Variants in ATP8A2 observed in about 807,000 individuals in gnomAD.
The protein encoded by ATP8A2 is ATPase phospholipid transporting 8A2, also known as phospholipid-transporting ATPase IB.
Under a neutral mutation model 165.6 loss-of-function variants are expected in ATP8A2, and 100 were observed. That is an observed-to-expected ratio of 0.60 (90% confidence interval 0.51 to 0.71). The LOEUF is 0.71. ATP8A2 is among the 30% of genes least tolerant of loss of function. The pLI, the probability that ATP8A2 is intolerant of heterozygous loss-of-function variation, is 0.00. For synonymous variants in ATP8A2, 543 were observed against 548.8 expected (o/e 0.99, Z 0.15); for missense variants, 1,227 against 1,479.5 (o/e 0.83, Z 2.80).
intron 25 of ATP8A2, among the ~76,000 whole-genome samples, chr13:25,703,491 TCAAA>T (rs1566062845): frequency 6.6e-6 from 1 of 152,074 alleles, no homozygotes; most frequent in African/African-American, 2.4e-5. Context: ...AAACAGGCAC[TCAAA>T]CAAATACTTG....
At chr13:25,774,204 A>G (rs930159063) in intron 26 of ATP8A2, among the ~76,000 whole-genome samples, 3 of 152,240 alleles carry the variant, frequency 2.0e-5, no homozygotes, top group Admixed American at 2.0e-4. Flanking sequence ...TGCAATACAC[A>G]TACACCATGG....
chr13:25,428,099 G>T lies in ATP8A2; in HGVS notation c.77-40878G>T, dbSNP rs533349484. 3.3e-5 allele frequency among the ~76,000 whole-genome samples: 5 copies of T among 152,116 alleles called. No individual in the cohort carries two copies. In the South Asian group the frequency reaches 1.0e-3, roughly 32 times the overall value. On this transcript the variant is annotated intron_variant, in intron 1 of 36. Coordinates refer to ENST00000381655, the MANE Select transcript of ATP8A2 (RefSeq NM_016529.6). ...CTCAGCAGGCTTAGGTGGAAGGATC[G>T]CTTGAACCTGGGAGGTTGAGCCTGC...
At chr13:25,564,308 G>T (rs1157476154) in intron 16 of ATP8A2, among the ~76,000 whole-genome samples, 2 of 152,174 alleles carry the variant, frequency 1.3e-5, no homozygotes, top group Non-Finnish European at 2.9e-5. Flanking sequence ...AATGGCTGTT[G>T]CTTTGTAAAA....
intron 30 of ATP8A2, among the ~76,000 whole-genome samples, chr13:25,854,832 A>G (rs1194346830): frequency 6.6e-6 from 1 of 152,220 alleles, no homozygotes; most frequent in Non-Finnish European, 1.5e-5. Context: ...TAACTCATAT[A>G]CCATCTAATT....
chr13:25,533,475 G>A (rs75686857), intron 6 of ATP8A2, among the ~76,000 whole-genome samples, 162 bp downstream of exon 6: 1,727 of 152,286 alleles, frequency 0.011, 33 homozygotes, highest in African/African-American at 0.04. Flanking sequence ...GCACCTTCTA[G>A]TAAGGGCCCA....
At chr13:25,828,023 C>T in intron 27 of ATP8A2, 95 bp from the exon 28 acceptor site, 1 of 931,956 alleles carries the variant, frequency 1.1e-6, no homozygotes, top group Non-Finnish European at 1.8e-6. Flanking sequence ...GCAGCTGTGT[C>T]CAGCTGGTGG....
intron 24 of ATP8A2, among the ~76,000 whole-genome samples, chr13:25,664,166 A>G (rs1182883670): frequency 6.6e-6 from 1 of 152,196 alleles, no homozygotes; most frequent in Non-Finnish European, 1.5e-5. Flanking sequence ...TTGTCTCACA[A>G]AAACAAACAA....
chr13:25,428,676 G>T (rs766707201), intron 1 of ATP8A2, among the ~76,000 whole-genome samples: 12 of 152,172 alleles, frequency 7.9e-5, no homozygotes, highest in Admixed American at 1.3e-4. Context: ...ATGCTCGCAA[G>T]TATAACAGAC....
chr13:25,433,227 G>A (rs2034663943), intron 1 of ATP8A2, among the ~76,000 whole-genome samples: 1 of 152,130 alleles, frequency 6.6e-6, no homozygotes, highest in African/African-American at 2.4e-5. Context: ...TCTGAAAATC[G>A]CAGTTGTGTC....
intron 10 of ATP8A2, among the ~76,000 whole-genome samples, chr13:25,547,667 T>C (rs56140302): frequency 0.051 from 7,713 of 152,024 alleles, 270 homozygotes; most frequent in Non-Finnish European, 0.087. Flanking sequence ...CCCAAAACCA[T>C]CCCCACCCAA....
chr13:26,001,057 C>T (rs1237528665), intron 35 of ATP8A2, among the ~76,000 whole-genome samples: 15 of 152,178 alleles, frequency 9.9e-5, no homozygotes, highest in Admixed American at 9.2e-4. Flanking sequence ...CCCTGCCCTA[C>T]AGCCCCTGGC....
intron 10 of ATP8A2, among the ~76,000 whole-genome samples, chr13:25,550,605 C>A (rs1424477701): frequency 1.3e-5 from 2 of 152,134 alleles, no homozygotes; most frequent in South Asian, 2.1e-4. Flanking sequence ...GGTTTCCCCC[C>A]AGCAGTGAGA....
At chr13:25,728,136 T>TA (rs2043536184) in intron 25 of ATP8A2, among the ~76,000 whole-genome samples, 1 of 152,214 alleles carries the variant, frequency 6.6e-6, no homozygotes, top group African/African-American at 2.4e-5. Flanking sequence ...AACCGGTTTT[T>TA]ATAGTCTTTA....
chr13:25,924,025 T>C (rs573580173), intron 33 of ATP8A2, among the ~76,000 whole-genome samples: 7 of 152,286 alleles, frequency 4.6e-5, no homozygotes, highest in African/African-American at 1.7e-4. Context: ...GGGAAACCAG[T>C]ACTAGCCAGG....
At chr13:25,689,373 T>C (rs2042674956) in intron 24 of ATP8A2, among the ~76,000 whole-genome samples, 1 of 152,250 alleles carries the variant, frequency 6.6e-6, no homozygotes, top group Non-Finnish European at 1.5e-5. Context: ...TATCTTCCTT[T>C]GGTAAAATTT....
chr13:25,828,953 C>T (rs1951385558), intron 28 of ATP8A2, among the ~76,000 whole-genome samples: 1 of 152,090 alleles, frequency 6.6e-6, no homozygotes, highest in Non-Finnish European at 1.5e-5. Flanking sequence ...TAACTCTGCT[C>T]CGTGGGAATT....
intron 27 of ATP8A2, 99 bp downstream of exon 27, chr13:25,775,058 A>T: frequency 2.9e-6 from 2 of 682,600 alleles, no homozygotes; most frequent in South Asian, 3.9e-5. Context: ...GTTCATGTAA[A>T]ATTAAAAGAT....
intron 35 of ATP8A2, among the ~76,000 whole-genome samples, chr13:25,971,557 ACT>A (rs1238203985): frequency 5.9e-5 from 9 of 151,568 alleles, no homozygotes; most frequent in African/African-American, 1.7e-4. Flanking sequence ...CGCACAGGAA[ACT>A]CTGTCAATAT....
intron 24 of ATP8A2, among the ~76,000 whole-genome samples, chr13:25,617,356 T>C (rs1258966546): frequency 6.6e-6 from 1 of 152,250 alleles, no homozygotes; most frequent in East Asian, 1.9e-4. Context: ...AAGTCAGATA[T>C]TAGATTGTAG....
Sources: allele counts gnomAD v4.1 joint callset (sites outside exome capture counted in the v4.1 genomes callset), GRCh38; gene constraint gnomAD v4.1.1; transcripts MANE v1.5; gene names NCBI Gene and HGNC (gene_info 2026-07-23, HGNC 2026-07-21).